The following EXOC1 variants were observed in gnomAD, a reference collection of about 807,000 sequenced individuals.
The protein encoded by EXOC1 is SEC3-like 1.
EXOC1 carries 67 observed loss-of-function variants against 107.7 expected under a neutral mutation model. The ratio of observed to expected loss-of-function variants is 0.62; its 90% CI spans 0.51 to 0.76. The LOEUF (loss-of-function observed/expected upper bound fraction) is 0.76, where lower values mean the gene tolerates loss of function less well. Ranked by LOEUF, EXOC1 falls within the 30% of genes least tolerant of loss-of-function variation. The pLI, the probability that EXOC1 is intolerant of heterozygous loss-of-function variation, is 0.00. For missense variants in EXOC1, 833 were observed against 1,055.7 expected (o/e 0.79, Z 2.92); for synonymous variants, 348 against 353.5 (o/e 0.98, Z 0.17).
In EXOC1 at chr4:55,858,446, A is replaced by C. The variant is rs763689987; in HGVS notation, c.123A>C (p.Thr41=). ...AAAAGAACTGTTTTTTATGTGCCAC[A>C]GGTGGGTATTTAGTAAGAAAGAGTA... ...KKKKNCFLCA[T]VTTERPVQVK... is the part of the protein sequence containing the mutation. The change falls in exon 2 of 19, where the codon ACA becomes ACC. Residue 41 remains threonine (T), a splice_region_variant and synonymous_variant. Transcript: ENST00000381295. 1 of 1,588,738 alleles carries C rather than the reference A, an allele frequency of 6.3e-7. No individual in the cohort carries two copies.
chr4:55,862,056 C>CAA (rs5858352), intron 3 of EXOC1, among the ~76,000 whole-genome samples: 2 of 144,158 alleles, frequency 1.4e-5, no homozygotes, highest in South Asian at 2.3e-4. Flanking sequence ...TCTGTCTCCA[C>CAA]AAAAAAAAAC....
In EXOC1 at chr4:55,893,452, G is replaced by A. The variant is rs564523479; in HGVS notation, c.1725-100G>A. The A allele has an allele frequency of 2.1e-4, 216 of 1,005,424 alleles. 1 individual carries two copies. In the Middle Eastern group the frequency reaches 5.5e-3, roughly 26 times the overall value. The allele number at this position is 1,005,424 out of a possible 1,614,324, so 62.3% of individuals were successfully genotyped here. On this transcript the variant is annotated intron_variant, in intron 14 of 18. Transcript: ENST00000381295. ...CATTTTTAATTGAAATTTAATTATG[G>A]TATTTTTGTCCTTTTGTATATACCC...
intron 1 of EXOC1, among the ~76,000 whole-genome samples, chr4:55,854,162 A>G (rs1325215843): frequency 1.3e-5 from 2 of 151,798 alleles, no homozygotes; most frequent in Non-Finnish European, 1.5e-5. Context: ...GTCCAAATTC[A>G]CATCCCGGCC....
rs1287133729 is a variant in EXOC1 at position 55,871,860 on chromosome 4, C to T, written c.976C>T (p.Leu326Phe). 1.2e-6 allele frequency: 2 copies of T among 1,613,764 alleles called. No individual in the cohort carries two copies. Among genetic ancestry groups the T allele is most frequent in the Non-Finnish European group, 1.7e-6 (2 of 1,179,784 alleles). ...TCGTTCTGTGTCAGGCCATGACTTG[C>T]TTCTGGCAGTCAAACAGCAACAGCA... ...NVALRPGHDL[L>F]LAVKQQQQRF... Residue 326 changes from leucine (L) to phenylalanine (F), a missense_variant, in exon 8 of 19, where the codon CTT becomes TTT. Transcript: ENST00000381295.
chr4:55,890,300 C>A lies in EXOC1; in HGVS notation c.1453C>A (p.Arg485Ser). ...GCTCAGTGTTCAGAGTTCAGGGAAT[C>A]GCAGATCTCAGTCATCTTCCCTGTT... ...NKLSVQSSGN[R>S]RSQSSSLLDM... The change falls in exon 12 of 19, where the codon CGC becomes AGC. Residue 485 changes from arginine (R) to serine (S), a missense_variant. By Grantham distance (110) the Arg-to-Ser change is moderately radical. Coordinates refer to ENST00000381295, the MANE Select transcript of EXOC1 (RefSeq NM_001024924.2). The A allele has an allele frequency of 6.2e-7, 1 of 1,614,014 alleles. No individual in the cohort carries two copies. The highest frequency in any genetic ancestry group is 8.5e-7 in the Non-Finnish European group (1 of 1,179,940).
chr4:55,868,604 G>A (rs1722159738), intron 5 of EXOC1, 81 bp downstream of exon 5: 12 of 1,300,518 alleles, frequency 9.2e-6, no homozygotes, highest in Non-Finnish European at 1.3e-5. Context: ...TACTACCTCA[G>A]CACTTAAGCC....
chr4:55,890,645 C>A (rs915011164), intron 12 of EXOC1, among the ~76,000 whole-genome samples: 11 of 151,850 alleles, frequency 7.2e-5, no homozygotes, highest in Non-Finnish European at 2.9e-5. Context: ...TATCTCAAAT[C>A]TAAGTTGTTT....
Position 55,878,159 on chromosome 4 carries a change from G to A in EXOC1, c.1224+93G>A, listed in dbSNP as rs1464599181. 4 of 1,384,464 alleles carry A rather than the reference G, an allele frequency of 2.9e-6. No individual in the cohort carries two copies. The East Asian group carries it at 9.4e-5, about 32-fold the overall frequency. 85.8% of individuals were successfully genotyped at this position (1,384,464 alleles called of 1,614,324 possible). ...TTCAGTTCCCCAAGTTTAAAATACT[G>A]TAGTACATTCTTAGCAAAGCAGAAA... On this transcript the variant is annotated intron_variant, in intron 9 of 18. Coordinates refer to ENST00000381295, the MANE Select transcript of EXOC1 (RefSeq NM_001024924.2).
chr4:55,897,996 C>T (rs1352848177), intron 16 of EXOC1, among the ~76,000 whole-genome samples: 1 of 152,312 alleles, frequency 6.6e-6, no homozygotes, highest in East Asian at 1.9e-4. Flanking sequence ...TGGCCCACAC[C>T]TGTAATCGCA....
At chr4:55,871,076 A>G in intron 6 of EXOC1, 25 bp from the exon 7 acceptor site, 1 of 1,608,646 alleles carries the variant, frequency 6.2e-7, no homozygotes, top group Non-Finnish European at 8.5e-7. Context: ...TACACATGCA[A>G]ATGGTGTGTT....
At chr4:55,893,910 C>A (rs2109471541) in intron 15 of EXOC1, 130 bp downstream of exon 15, 2 of 719,778 alleles carry the variant, frequency 2.8e-6, no homozygotes, top group East Asian at 5.4e-5. Flanking sequence ...CGAAGCAGGG[C>A]ATGGCAACAA....
In EXOC1 at chr4:55,902,862, A is replaced by G. The variant is rs531839860; in HGVS notation, c.2532+324A>G. 2.5e-3 allele frequency among the ~76,000 whole-genome samples: 385 copies of G among 152,140 alleles called. 1 individual carries two copies. Among genetic ancestry groups the G allele is most frequent in the Middle Eastern group, 6.8e-3 (2 of 294 alleles). ...ATCTGGCTCCAGATTAAGCTGTGTG[A>G]CTTTGGGAAGTTACTTAACCTCTCT... is the stretch of plus-strand genomic sequence containing the variant. On this transcript the variant is annotated intron_variant, in intron 18 of 18. Coordinates refer to ENST00000381295, the MANE Select transcript of EXOC1 (RefSeq NM_001024924.2).
At position 55,892,571 on chromosome 4, in the gene EXOC1, C is replaced by G. The variant is rs140638093; in HGVS notation, c.1648-64C>G. ...AATTTTAAGACTGAGCAGGCTTTTGCTATATCAATACTAGTCAAATTGTTG... is the reference window on the plus strand; with the variant it reads ...AATTTTAAGACTGAGCAGGCTTTTGGTATATCAATACTAGTCAAATTGTTG... On this transcript the variant is annotated intron_variant, in intron 13 of 18. Transcript: ENST00000381295. 885 of 1,326,860 alleles carry G rather than the reference C, an allele frequency of 6.7e-4. 1 individual carries two copies. Among genetic ancestry groups the G allele is most frequent in the East Asian group, 3.7e-3 (162 of 43,322 alleles). The allele number at this position is 1,326,860 out of a possible 1,614,324, so 82.2% of individuals were successfully genotyped here. A position where few individuals can be genotyped will look rare whatever the true frequency, so the allele number is the denominator to read the frequency against.
At chr4:55,901,242 T>A (rs940593799) in intron 17 of EXOC1, among the ~76,000 whole-genome samples, 38 of 152,162 alleles carry the variant, frequency 2.5e-4, no homozygotes, top group Admixed American at 7.2e-4. Context: ...GTTGGTCAAG[T>A]GACAAAATTT....
chr4:55,896,996 A>G (rs545991190), intron 16 of EXOC1, 96 bp downstream of exon 16: 2 of 996,234 alleles, frequency 2.0e-6, no homozygotes, highest in Non-Finnish European at 1.4e-6. Flanking sequence ...TATTTTGTAT[A>G]TCTTATAATC....
chr4:55,889,360 A>T (rs372458863), intron 11 of EXOC1, among the ~76,000 whole-genome samples: 1 of 152,178 alleles, frequency 6.6e-6, no homozygotes, highest in African/African-American at 2.4e-5. Context: ...TTTAAAATAT[A>T]TTAGTTATTG....
intron 2 of EXOC1, 138 bp downstream of exon 2, chr4:55,858,585 GC>G (rs1721198873): frequency 1.2e-6 from 1 of 826,826 alleles, no homozygotes; most frequent in Non-Finnish European, 1.7e-6. Context: ...TTAACACTTG[GC>G]TTTGACAGGC....
At chr4:55,891,912 G>A (rs1724600391) in intron 13 of EXOC1, among the ~76,000 whole-genome samples, 1 of 152,148 alleles carries the variant, frequency 6.6e-6, no homozygotes, top group Non-Finnish European at 1.5e-5. Context: ...TCGATCCCCA[G>A]CTTTCCTCTT....
At chr4:55,900,496 G>A (rs141350283) in intron 17 of EXOC1, 1 of 152,000 alleles carries the variant, frequency 6.6e-6, no homozygotes, top group East Asian at 1.9e-4. Flanking sequence ...ATGATTTTAG[G>A]GAACTTTACA....
Sources: gnomAD v4.1 joint callset for allele counts (sites outside exome capture counted in the v4.1 genomes callset) on GRCh38, gnomAD v4.1.1 for gene constraint, MANE v1.5 for transcripts, NCBI Gene and HGNC (gene_info 2026-07-23, HGNC 2026-07-21) for gene names.